Variants in PRKCB observed in about 807,000 individuals in gnomAD.
PRKCB encodes the protein protein kinase C beta type.
A neutral mutation model predicts 81.5 loss-of-function variants in PRKCB; 13 were observed. That is an observed-to-expected ratio of 0.16 (90% CI 0.10 to 0.25). PRKCB has a LOEUF of 0.25. Ranked by LOEUF, PRKCB falls within the 10% of genes least tolerant of loss-of-function variation. The pLI is 1.00. For missense variants in PRKCB, 509 were observed against 875.7 expected (o/e 0.58, Z 5.29); for synonymous variants, 335 against 321.4 (o/e 1.04, Z -0.45).
At chr16:24,179,351 A>C (rs982287385) in intron 12 of PRKCB, among the ~76,000 whole-genome samples, 2 of 152,234 alleles carry the variant, frequency 1.3e-5, no homozygotes, top group Non-Finnish European at 2.9e-5. Flanking sequence ...GAATGCTGTC[A>C]TCACAAAACA....
intron 2 of PRKCB, among the ~76,000 whole-genome samples, chr16:23,875,655 CACACAT>C (rs1457904062): frequency 1.3e-4 from 12 of 92,864 alleles, no homozygotes; most frequent in South Asian, 4.2e-4. Flanking sequence ...GTATGTATAT[CACACAT>C]ATATATGTAT....
intron 10 of PRKCB, among the ~76,000 whole-genome samples, chr16:24,165,024 CG>C (rs1191883814): frequency 1.3e-5 from 2 of 152,036 alleles, no homozygotes; most frequent in Non-Finnish European, 2.9e-5. Flanking sequence ...TTTCTTTTAT[CG>C]CATTCTATTT....
intron 7 of PRKCB, among the ~76,000 whole-genome samples, chr16:24,094,801 A>AAGGG (rs1198765154): frequency 1.6e-4 from 21 of 128,786 alleles, no homozygotes; most frequent in Non-Finnish European, 2.5e-4. Flanking sequence ...GGAATGAAGG[A>AAGGG]AGGGAGGGAG....
At chr16:24,008,584 G>C (rs2098895074) in intron 3 of PRKCB, among the ~76,000 whole-genome samples, 1 of 152,146 alleles carries the variant, frequency 6.6e-6, no homozygotes, top group Non-Finnish European at 1.5e-5. Context: ...GCCCTTCTTT[G>C]CTCCTTCTAA....
chr16:24,043,036 G>A (rs2141863586), intron 5 of PRKCB, among the ~76,000 whole-genome samples: 1 of 152,236 alleles, frequency 6.6e-6, no homozygotes, highest in South Asian at 2.1e-4. Context: ...TGTGCCCGGT[G>A]ATGTCTTAAG....
chr16:23,981,624 TC>T (rs1372779558), intron 2 of PRKCB, among the ~76,000 whole-genome samples: 1 of 146,224 alleles, frequency 6.8e-6, no homozygotes, highest in African/African-American at 2.6e-5. Context: ...CCCTTTCCCT[TC>T]CCTTTTTTCC....
chr16:24,039,354 G>T (rs1431173412), intron 5 of PRKCB, among the ~76,000 whole-genome samples: 1 of 152,020 alleles, frequency 6.6e-6, no homozygotes, highest in Non-Finnish European at 1.5e-5. Context: ...TCAGCCTCCC[G>T]AGTGGCTAGG....
intron 2 of PRKCB, among the ~76,000 whole-genome samples, chr16:23,939,926 G>A (rs1233291957): frequency 6.6e-6 from 1 of 151,988 alleles, no homozygotes; most frequent in Non-Finnish European, 1.5e-5. Flanking sequence ...CTACAATCTG[G>A]ACCAAATATT....
chr16:23,904,234 A>G (rs537960510), intron 2 of PRKCB, among the ~76,000 whole-genome samples: 2 of 152,210 alleles, frequency 1.3e-5, no homozygotes, highest in East Asian at 1.9e-4. Context: ...CAGATTTCCT[A>G]TGTTCCAGCT....
rs760572231 is a variant in PRKCB at position 24,214,820 on chromosome 16, GA to G, written c.*5del. 4.0e-5 allele frequency: 65 copies of G among 1,613,536 alleles called. No homozygotes were observed. Among genetic ancestry groups the G allele is most frequent in the Non-Finnish European group, 4.7e-5 (56 of 1,179,740 alleles). ...AAAACCCGAAGTCAAGAGCTAAGTA[GA>G]TGTGTAGATCTCCGTCCTTCATTTC... On this transcript the variant is annotated 3_prime_UTR_variant, in exon 17 of 17. Coordinates refer to ENST00000643927, the MANE Select transcript of PRKCB (RefSeq NM_002738.7).
At chr16:24,163,458 GC>G (rs1967296282) in intron 10 of PRKCB, among the ~76,000 whole-genome samples, 1 of 152,216 alleles carries the variant, frequency 6.6e-6, no homozygotes, top group Admixed American at 6.5e-5. Flanking sequence ...AATAGACACA[GC>G]CTTATGCTCT....
chr16:23,934,316 CTGTT>C (rs559806830), intron 2 of PRKCB, among the ~76,000 whole-genome samples: 3 of 74,816 alleles, frequency 4.0e-5, no homozygotes, highest in African/African-American at 1.6e-4. Context: ...AGGAAAAAAG[CTGTT>C]TTTTTTTTTT....
chr16:24,105,338 G>A (rs898367036), intron 7 of PRKCB, among the ~76,000 whole-genome samples: 2 of 151,908 alleles, frequency 1.3e-5, no homozygotes, highest in East Asian at 1.9e-4. Flanking sequence ...GGTTACAGGC[G>A]TGAGCCACCA....
At chr16:24,105,533 G>A (rs535955129) in intron 7 of PRKCB, among the ~76,000 whole-genome samples, 1 of 151,852 alleles carries the variant, frequency 6.6e-6, no homozygotes, top group East Asian at 1.9e-4. Flanking sequence ...CCCTCCCCTT[G>A]CCCCTCACCC....
chr16:23,866,807 C>T (rs987719964), intron 2 of PRKCB, among the ~76,000 whole-genome samples: 7 of 152,160 alleles, frequency 4.6e-5, no homozygotes, highest in African/African-American at 4.8e-5. Context: ...TGTGTGTTTC[C>T]GTCTCACTGC....
At chr16:23,972,302 A>T (rs866466718) in intron 2 of PRKCB, among the ~76,000 whole-genome samples, 1 of 152,160 alleles carries the variant, frequency 6.6e-6, no homozygotes, top group Non-Finnish European at 1.5e-5. Context: ...CATGCTCTGT[A>T]TCTCAATTTT....
At chr16:24,116,317 G>A (rs1346301922) in intron 8 of PRKCB, among the ~76,000 whole-genome samples, 2 of 152,206 alleles carry the variant, frequency 1.3e-5, no homozygotes, top group East Asian at 1.9e-4. Flanking sequence ...AGCACTTTGG[G>A]AGGCTGAGGC....
intron 3 of PRKCB, among the ~76,000 whole-genome samples, chr16:24,003,113 C>A (rs1432249359): frequency 1.3e-5 from 2 of 152,178 alleles, no homozygotes; most frequent in African/African-American, 4.8e-5. Flanking sequence ...CTACTCCCTT[C>A]CTTTGTCCTC....
At chr16:24,067,958 A>AG (rs1555494690) in intron 5 of PRKCB, among the ~76,000 whole-genome samples, 21 of 138,696 alleles carry the variant, frequency 1.5e-4, no homozygotes, top group South Asian at 4.2e-4. Flanking sequence ...AAAAAAAAAA[A>AG]AGAGAGAGAG....
Sources: allele counts gnomAD v4.1 joint callset (sites outside exome capture counted in the v4.1 genomes callset), GRCh38; gene constraint gnomAD v4.1.1; transcripts MANE v1.5; gene names NCBI Gene and HGNC (gene_info 2026-07-23, HGNC 2026-07-21).